The following B9D1 variants were observed in gnomAD, a reference collection of about 807,000 sequenced individuals.
B9D1 encodes the protein B9 domain-containing protein 1.
A neutral mutation model predicts 26.1 loss-of-function variants in B9D1; 20 were observed. That is an observed-to-expected ratio of 0.77 (90% CI 0.54 to 1.12). B9D1 has a LOEUF of 1.12. Ranked by LOEUF, B9D1 falls within the 50% of genes most tolerant of loss-of-function variation. B9D1 has a pLI of 0.00. For synonymous variants in B9D1, 105 were observed against 103.1 expected (o/e 1.02, Z -0.11); for missense variants, 260 against 273.7 (o/e 0.95, Z 0.35).
chr17:19,340,807 A>T (rs1207815509), downstream of B9D1: 2 of 151,158 alleles, frequency 1.3e-5, no homozygotes, highest in African/African-American at 2.4e-5. Flanking sequence ...AAAAAAAAAA[A>T]AAAAGAGTTA....
intron 2 of B9D1, 73 bp from the exon 3 acceptor site, chr17:19,358,024 A>G (rs1910580743): frequency 8.6e-7 from 1 of 1,162,346 alleles, no homozygotes; most frequent in Non-Finnish European, 1.3e-6. Context: ...CCTTACCTTC[A>G]GCAGGCAGTT....
chr17:19,350,146 C>T (rs1909404945), intron 3 of B9D1, among the ~76,000 whole-genome samples: 1 of 151,704 alleles, frequency 6.6e-6, no homozygotes, highest in Non-Finnish European at 1.5e-5. Context: ...AGCAGTGGCT[C>T]ATGCCTGTAA....
rs1337534964 is a variant in B9D1, at chr17:19,359,450, T to C, written c.132+870A>G. On this transcript the variant is annotated intron_variant, in intron 2 of 6. Coordinates refer to ENST00000261499, the MANE Select transcript of B9D1 (RefSeq NM_015681.6). The surrounding 1 kb of genome is among the most constrained non-coding windows in gnomAD (Gnocchi z 5.0). ...TGGACAGTTCTCACGGGTTTCCACATGGCTTGTTCCCTCACTTCCTTCAGG... is the reference window on the plus strand; with the variant it reads ...TGGACAGTTCTCACGGGTTTCCACACGGCTTGTTCCCTCACTTCCTTCAGG... 6.6e-6 allele frequency among the ~76,000 whole-genome samples: 1 copy of C among 152,198 alleles called. No homozygotes were observed.
chr17:19,343,914 G>A, intron 5 of B9D1, 57 bp from the exon 6 acceptor site: 1 of 1,610,318 alleles, frequency 6.2e-7, no homozygotes. Flanking sequence ...TCCTGGTCTT[G>A]GACGACACTG....
chr17:19,343,580 C>T (rs780913409), intron 6 of B9D1, 119 bp from the exon 7 acceptor site: 22 of 1,577,056 alleles, frequency 1.4e-5, no homozygotes, highest in Non-Finnish European at 1.9e-5. Context: ...GTGCCTGACC[C>T]AAGCCCCTCA....
Position 19,347,193 on chromosome 17 carries a change from C to G in B9D1, c.404+76G>C, listed in dbSNP as rs1262657871. On this transcript the variant is annotated intron_variant, in intron 5 of 6. Coordinates refer to ENST00000261499, the MANE Select transcript of B9D1 (RefSeq NM_015681.6). The surrounding 1 kb of genome is among the most constrained non-coding windows in gnomAD (Gnocchi z 4.3). The stretch of plus-strand genomic sequence containing the variant: ...GCAGATCTGAGGAGGCGACCAGGCA[C>G]AAACTGAGGGGTAGAATGGGACATC... The G allele has an allele frequency of 6.2e-7, 1 of 1,613,940 alleles. No individual in the cohort carries two copies. Among genetic ancestry groups the G allele is most frequent in the Admixed American group, 1.7e-5 (1 of 59,994 alleles).
chr17:19,344,034 T>G (rs1157304517), intron 5 of B9D1, among the ~76,000 whole-genome samples, 177 bp from the exon 6 acceptor site: 2 of 152,152 alleles, frequency 1.3e-5, no homozygotes, highest in Admixed American at 1.3e-4. Context: ...GGCTCCAGCG[T>G]GGGGTGTCCC....
chr17:19,363,749 A>C (rs1242560452), upstream of B9D1: 2 of 152,298 alleles, frequency 1.3e-5, no homozygotes, highest in Non-Finnish European at 2.9e-5. Context: ...GCTTGGGAGC[A>C]GACTAGGGGA....
chr17:19,375,480 G>C (rs890697290), intron 1 of B9D1, among the ~76,000 whole-genome samples: 3 of 150,348 alleles, frequency 2.0e-5, no homozygotes, highest in Non-Finnish European at 4.4e-5. Flanking sequence ...TAATAAGGCT[G>C]GGTACTGTGG....
At chr17:19,343,041 T>C, downstream of B9D1, 6 of 1,334,946 alleles carry the variant, frequency 4.5e-6, no homozygotes, top group Non-Finnish European at 5.8e-6. Context: ...CACGGTCTGG[T>C]CTCCTGGCAG....
upstream of B9D1, chr17:19,364,530 AG>A (rs1368379792): frequency 6.6e-6 from 1 of 152,186 alleles, no homozygotes; most frequent in Non-Finnish European, 1.5e-5. The surrounding 1 kb of genome is among the most constrained non-coding windows in gnomAD (Gnocchi z 4.3). Context: ...AGGAGAAGGT[AG>A]TTTCTGCAGA....
intron 1 of B9D1, among the ~76,000 whole-genome samples, chr17:19,375,076 G>A (rs559192339): frequency 6.6e-6 from 1 of 152,256 alleles, no homozygotes; most frequent in African/African-American, 2.4e-5. Flanking sequence ...GATCACTTGA[G>A]CTCAGGAGTT....
downstream of B9D1, among the ~76,000 whole-genome samples, chr17:19,342,753 A>AG (rs139818487): frequency 0.011 from 1,691 of 151,914 alleles, 27 homozygotes; most frequent in African/African-American, 0.039. Flanking sequence ...GACTGTGGGT[A>AG]GGGGGGCAGA....
chr17:19,360,501 C>G, intron 1 of B9D1, 113 bp from the exon 2 acceptor site: 1 of 907,838 alleles, frequency 1.1e-6, no homozygotes, highest in Non-Finnish European at 1.8e-6. Flanking sequence ...GGGAGTGGGT[C>G]TAAGAGACGG....
At chr17:19,339,033 G>A (rs1907689793), downstream of B9D1, among the ~76,000 whole-genome samples, 1 of 152,126 alleles carries the variant, frequency 6.6e-6, no homozygotes, top group African/African-American at 2.4e-5. Flanking sequence ...TTTAATGGTA[G>A]CTACCATGAG....
chr17:19,355,296 G>C (rs1272121170), intron 3 of B9D1, among the ~76,000 whole-genome samples: 4 of 152,160 alleles, frequency 2.6e-5, no homozygotes, highest in Non-Finnish European at 5.9e-5. Flanking sequence ...CTTAGGCCAA[G>C]GTGGGAGGAT....
chr17:19,375,512 C>G (rs1912062521), intron 1 of B9D1, among the ~76,000 whole-genome samples: 1 of 151,716 alleles, frequency 6.6e-6, no homozygotes, highest in Admixed American at 6.6e-5. Flanking sequence ...AATCCCAGCA[C>G]TTTGGGAGGC....
downstream of B9D1, chr17:19,336,712 A>G (rs958873022): frequency 6.6e-6 from 1 of 152,610 alleles, no homozygotes; most frequent in Non-Finnish European, 1.5e-5. Flanking sequence ...CATTTGTACC[A>G]TGATGCGGTT....
intron 1 of B9D1, among the ~76,000 whole-genome samples, chr17:19,360,832 A>C (rs995527930): frequency 5.9e-5 from 9 of 152,042 alleles, no homozygotes; most frequent in African/African-American, 2.2e-4. Context: ...CTGTGTCCCC[A>C]CTGCCTGGCA....
Sources: gnomAD v4.1 joint callset for allele counts (sites outside exome capture counted in the v4.1 genomes callset) on GRCh38, gnomAD v4.1.1 for gene constraint, Gnocchi (gnomAD v3.1) non-coding constraint, MANE v1.5 for transcripts, NCBI Gene and HGNC (gene_info 2026-07-23, HGNC 2026-07-21) for gene names.